CELF2: variants seen among roughly 807,000 people sequenced by gnomAD.
CELF2 encodes the protein CUG triplet repeat RNA-binding protein 2.
In CELF2, 8 loss-of-function variants were observed where a neutral mutation model predicts 62.6. The ratio of observed to expected loss-of-function variants is 0.13; its 90% CI spans 0.07 to 0.23. CELF2 has a LOEUF of 0.23. Among genes scored for constraint, CELF2 ranks in the 10% least tolerant of loss-of-function variants. CELF2 has a pLI of 1.00. For synonymous variants in CELF2, 258 were observed against 250.0 expected, an observed-to-expected ratio of 1.03 and a Z score of -0.30; for missense variants, 333 against 671.0, an observed-to-expected ratio of 0.50 and a Z score of 5.56.
chr10:10,785,170 AATCAGGG>A, the CELF2 span, among the ~76,000 whole-genome samples: 1 of 152,196 alleles, frequency 6.6e-6, no homozygotes, highest in Non-Finnish European at 1.5e-5. Flanking sequence ...CATGGTGATC[AATCAGGG>A]ATCCATGTAA....
intron 3 of CELF2, among the ~76,000 whole-genome samples, chr10:11,238,663 A>T (rs574061836): frequency 1.3e-5 from 2 of 152,320 alleles, no homozygotes; most frequent in African/African-American, 4.8e-5. Context: ...TGGGTGCCAC[A>T]TCTAATGGGA....
chr10:11,137,879 T>C (rs997440899), intron 1 of CELF2, among the ~76,000 whole-genome samples: 2 of 152,224 alleles, frequency 1.3e-5, no homozygotes, highest in African/African-American at 4.8e-5. Flanking sequence ...AAGTGTTCCC[T>C]TGTAATGTGT....
At chr10:10,744,069 T>C in the CELF2 span, among the ~76,000 whole-genome samples, 1 of 152,180 alleles carries the variant, frequency 6.6e-6, no homozygotes, top group Non-Finnish European at 1.5e-5. Flanking sequence ...AAGACTCAGA[T>C]AAGACTGTCT....
intron 1 of CELF2, among the ~76,000 whole-genome samples, chr10:11,032,907 C>T (rs1034991481): frequency 2.0e-5 from 3 of 152,068 alleles, no homozygotes; most frequent in Admixed American, 1.3e-4. Flanking sequence ...TGTTGTGTTA[C>T]CTTTTCTAAC....
chr10:10,502,240 T>G, the CELF2 span, among the ~76,000 whole-genome samples: 1 of 152,024 alleles, frequency 6.6e-6, no homozygotes, highest in African/African-American at 2.4e-5. Context: ...TATGTTTGTT[T>G]GGTTTTGATA....
chr10:11,021,021 A>AT (rs960491493), intron 1 of CELF2, among the ~76,000 whole-genome samples: 10 of 151,902 alleles, frequency 6.6e-5, no homozygotes, highest in Admixed American at 2.0e-4. Flanking sequence ...ACAGGCACTG[A>AT]TTTTTTTTTA....
Position 10,934,586 on chromosome 10 carries a change from C to A in CELF2, c.89+14587C>A, listed in dbSNP as rs963603175. On this transcript the variant is annotated intron_variant, in intron 2 of 13. Coordinates refer to the CELF2 transcript ENST00000636488. The surrounding 1 kb of genome is among the most constrained non-coding windows in gnomAD (Gnocchi z 4.4). Reference sequence around the variant, plus strand: ...GGCAATGAAGGAGGGAGCGAGCAGTCCACATGATTCTCACATTTCCAGTTT... The same window carrying A: ...GGCAATGAAGGAGGGAGCGAGCAGTACACATGATTCTCACATTTCCAGTTT... 1.3e-5 allele frequency: 2 copies of A among 152,180 alleles called. No individual in the cohort carries two copies. The allele number at this position is 152,180 out of a possible 1,614,324, so 9.4% of individuals were successfully genotyped here.
chr10:11,038,978 C>T (rs1481643115), intron 1 of CELF2, among the ~76,000 whole-genome samples: 2 of 152,126 alleles, frequency 1.3e-5, no homozygotes, highest in Non-Finnish European at 2.9e-5. Flanking sequence ...TGTAGAAAGC[C>T]AGCAGTCTTC....
chr10:10,941,857 G>A (rs145107931), intron 2 of CELF2, among the ~76,000 whole-genome samples: 1,801 of 152,110 alleles, frequency 0.012, 117 homozygotes, highest in Admixed American at 0.1. Flanking sequence ...AGCCAGGTGT[G>A]GTGGCAGGTG....
chr10:11,241,430 C>T (rs887964920), intron 3 of CELF2, among the ~76,000 whole-genome samples: 3 of 152,100 alleles, frequency 2.0e-5, no homozygotes, highest in African/African-American at 7.2e-5. Context: ...AACCTCCTGA[C>T]CTGAAGTGAT....
intron 1 of CELF2, among the ~76,000 whole-genome samples, chr10:11,094,215 A>G (rs2049133556): frequency 1.3e-5 from 2 of 152,198 alleles, no homozygotes; most frequent in African/African-American, 4.8e-5. Flanking sequence ...CAGAACATTA[A>G]CTTTACGCTA....
At chr10:10,902,134 T>C (rs940186251) in intron 1 of CELF2, among the ~76,000 whole-genome samples, 1 of 152,198 alleles carries the variant, frequency 6.6e-6, no homozygotes, top group African/African-American at 2.4e-5. Flanking sequence ...CTGGTAGGAA[T>C]GTAAAATAGC....
chr10:11,232,162 G>T lies in CELF2; in HGVS notation c.354+14655G>T, dbSNP rs1477314722. ...CCCCTCTCCCCCCACCCCACAACAG[G>T]CCCCGGTGTGTGATGTTCCCCTTCC... On this transcript the variant is annotated intron_variant, in intron 3 of 12. Transcript: ENST00000633077. 2.0e-5 allele frequency among the ~76,000 whole-genome samples: 3 copies of T among 151,948 alleles called. No individual in the cohort carries two copies. The East Asian group carries it at 5.8e-4, about 29-fold the overall frequency.
intron 3 of CELF2, among the ~76,000 whole-genome samples, chr10:11,236,030 T>C (rs575531886): frequency 6.6e-6 from 1 of 152,142 alleles, no homozygotes; most frequent in Non-Finnish European, 1.5e-5. Context: ...CCTAAACCAA[T>C]GAAATCATAC....
At chr10:10,560,212 G>A in the CELF2 span, among the ~76,000 whole-genome samples, 1 of 152,124 alleles carries the variant, frequency 6.6e-6, no homozygotes, top group Non-Finnish European at 1.5e-5. Flanking sequence ...TCTTTCTAAG[G>A]TGAGTACTCC....
chr10:10,532,343 A>G, the CELF2 span, among the ~76,000 whole-genome samples: 1 of 152,246 alleles, frequency 6.6e-6, no homozygotes, highest in Non-Finnish European at 1.5e-5. Context: ...TGCTGGGATG[A>G]TGATTGACAG....
chr10:10,718,122 A>G, the CELF2 span, among the ~76,000 whole-genome samples: 31 of 152,190 alleles, frequency 2.0e-4, 1 homozygote, highest in African/African-American at 7.5e-4. Flanking sequence ...AGCTACCTAT[A>G]AAGGCTTTCT....
At chr10:10,502,299 G>C in the CELF2 span, among the ~76,000 whole-genome samples, 2 of 151,924 alleles carry the variant, frequency 1.3e-5, no homozygotes, top group South Asian at 2.1e-4. Context: ...GTTTTCTCCT[G>C]TTCTGCTTTT....
At position 11,313,997 on chromosome 10, in the gene CELF2, A is replaced by G. The variant is rs2094742496; in HGVS notation, c.977-142A>G. 4.8e-5 allele frequency: 40 copies of G among 840,506 alleles called. 2 individuals carry two copies. In the South Asian group the frequency reaches 6.5e-4, roughly 14 times the overall value. The allele number at this position is 840,506 out of a possible 1,614,324, so 52.1% of individuals were successfully genotyped here. On this transcript the variant is annotated intron_variant, in intron 9 of 12. Coordinates refer to ENST00000633077, the MANE Select transcript of CELF2 (RefSeq NM_001326342.2). ...CAAATCTGTCAAAATTGCCACAAGTACAATCCCACATGTCCTTCACCCAAA... is the reference window on the plus strand; with the variant it reads ...CAAATCTGTCAAAATTGCCACAAGTGCAATCCCACATGTCCTTCACCCAAA...
Sources: gnomAD v4.1 joint callset for allele counts (sites outside exome capture counted in the v4.1 genomes callset) on GRCh38, gnomAD v4.1.1 for gene constraint, Gnocchi (gnomAD v3.1) non-coding constraint, MANE v1.5 for transcripts, NCBI Gene and HGNC (gene_info 2026-07-23, HGNC 2026-07-21) for gene names.